SUGCT: variants seen among roughly 807,000 people sequenced by gnomAD.
The protein encoded by SUGCT is succinyl-CoA:glutarate CoA-transferase.
A neutral mutation model predicts 55.0 loss-of-function variants in SUGCT; 41 were observed. The observed-to-expected ratio is 0.74, with a 90% CI of 0.58 to 0.97. The LOEUF (loss-of-function observed/expected upper bound fraction) is 0.97. SUGCT is among the 50% of genes least tolerant of loss of function. The pLI, the probability that SUGCT is intolerant of heterozygous loss-of-function variation, is 0.00. For synonymous variants in SUGCT, 187 were observed against 200.4 expected (o/e 0.93, Z 0.56); for missense variants, 568 against 547.8 (o/e 1.04, Z -0.37).
the SUGCT span, among the ~76,000 whole-genome samples, chr7:40,918,166 A>G: frequency 1.6e-4 from 24 of 152,190 alleles, no homozygotes; most frequent in Admixed American, 1.4e-3. Flanking sequence ...GGTCTTTGGT[A>G]AAAAGGGGAA....
intron 8 of SUGCT, among the ~76,000 whole-genome samples, chr7:40,291,308 TG>T (rs1396718991): frequency 6.6e-6 from 1 of 151,494 alleles, no homozygotes; most frequent in African/African-American, 2.4e-5. Context: ...ATATACACCA[TG>T]GAATACTATG....
chr7:40,207,358 CGAGAT>C (rs1787032402), intron 6 of SUGCT, among the ~76,000 whole-genome samples: 1 of 152,088 alleles, frequency 6.6e-6, no homozygotes, highest in South Asian at 2.1e-4. Context: ...AAAACCACAA[CGAGAT>C]ACCTACCATC....
At chr7:40,890,723 G>A in the SUGCT span, among the ~76,000 whole-genome samples, 5 of 152,258 alleles carry the variant, frequency 3.3e-5, no homozygotes, top group South Asian at 1.0e-3. Flanking sequence ...ACTGGAGGAG[G>A]CACTTACTTC....
At chr7:40,594,355 A>T (rs1045480322) in intron 12 of SUGCT, among the ~76,000 whole-genome samples, 3 of 151,716 alleles carry the variant, frequency 2.0e-5, no homozygotes, top group African/African-American at 7.3e-5. Flanking sequence ...AAAAAATATG[A>T]TGTAAAATCC....
chr7:40,836,049 T>G (rs1270583694), intron 13 of SUGCT, among the ~76,000 whole-genome samples: 1 of 147,884 alleles, frequency 6.8e-6, no homozygotes, highest in Non-Finnish European at 1.5e-5. Context: ...TATGTCACTA[T>G]GCCTACTAAT....
chr7:40,332,442 GAT>G (rs1491156018), intron 9 of SUGCT, among the ~76,000 whole-genome samples: 1 of 45,050 alleles, frequency 2.2e-5, no homozygotes, highest in East Asian at 3.0e-3. Context: ...ATCTGCATTG[GAT>G]TTTTTTTTTT....
intron 12 of SUGCT, among the ~76,000 whole-genome samples, chr7:40,496,729 A>C (rs1791996269): frequency 1.0e-5 from 1 of 99,006 alleles, no homozygotes; most frequent in Non-Finnish European, 2.0e-5. Flanking sequence ...AAATATGAGA[A>C]CTTTCATACC....
At chr7:40,833,691 C>T (rs568069272) in intron 13 of SUGCT, among the ~76,000 whole-genome samples, 29 of 152,266 alleles carry the variant, frequency 1.9e-4, no homozygotes, top group Non-Finnish European at 3.8e-4. Flanking sequence ...TCAGGTGCTG[C>T]AAATTTTCCT....
intron 12 of SUGCT, among the ~76,000 whole-genome samples, chr7:40,647,836 A>G (rs1359602256): frequency 3.3e-5 from 5 of 151,942 alleles, no homozygotes; most frequent in African/African-American, 1.2e-4. Flanking sequence ...AAAAAAAAAA[A>G]GTTAGACCAC....
At chr7:41,002,742 G>A in the SUGCT span, among the ~76,000 whole-genome samples, 2 of 152,162 alleles carry the variant, frequency 1.3e-5, no homozygotes, top group Admixed American at 1.3e-4. Flanking sequence ...ACTTTCTGAA[G>A]CACTTTAGAA....
intron 11 of SUGCT, among the ~76,000 whole-genome samples, chr7:40,475,908 A>C (rs1790642282): frequency 6.6e-6 from 1 of 152,080 alleles, no homozygotes; most frequent in Non-Finnish European, 1.5e-5. Context: ...CCATCAATTG[A>C]TTGTTTCATT....
chr7:40,648,335 C>T (rs1800622502), intron 12 of SUGCT, among the ~76,000 whole-genome samples: 1 of 152,158 alleles, frequency 6.6e-6, no homozygotes, highest in Non-Finnish European at 1.5e-5. Context: ...TAGTCTTCCA[C>T]AAAGTTTTAG....
intron 8 of SUGCT, among the ~76,000 whole-genome samples, chr7:40,293,177 C>G (rs1584595855): frequency 6.6e-6 from 1 of 152,012 alleles, no homozygotes; most frequent in Non-Finnish European, 1.5e-5. Flanking sequence ...TTTATGGCAG[C>G]TTGTTAGGTC....
chr7:40,421,402 G>C (rs1025844863), intron 9 of SUGCT, among the ~76,000 whole-genome samples: 1 of 152,112 alleles, frequency 6.6e-6, no homozygotes, highest in Non-Finnish European at 1.5e-5. Context: ...CTCAGGACCA[G>C]TGGCTCCTGA....
At chr7:40,163,011 G>A (rs144546134) in intron 1 of SUGCT, among the ~76,000 whole-genome samples, 158 of 152,282 alleles carry the variant, frequency 1.0e-3, no homozygotes, top group African/African-American at 3.5e-3. Context: ...TCTTACATGT[G>A]TAGCTACACT....
At chr7:40,624,225 C>T (rs1799408708) in intron 12 of SUGCT, among the ~76,000 whole-genome samples, 1 of 152,158 alleles carries the variant, frequency 6.6e-6, no homozygotes, top group Non-Finnish European at 1.5e-5. Context: ...CCAGTATCTT[C>T]CTCTTGCTCT....
At chr7:40,683,802 T>C (rs1239163230) in intron 12 of SUGCT, among the ~76,000 whole-genome samples, 2 of 152,224 alleles carry the variant, frequency 1.3e-5, no homozygotes, top group Non-Finnish European at 2.9e-5. Flanking sequence ...TCTATATTAG[T>C]TCTCTATTAT....
chr7:40,774,627 T>G (rs184677434), intron 13 of SUGCT, among the ~76,000 whole-genome samples: 21 of 152,228 alleles, frequency 1.4e-4, no homozygotes, highest in African/African-American at 4.1e-4. Context: ...ACAGAGTTAT[T>G]TCTGTTGTTG....
the SUGCT span, among the ~76,000 whole-genome samples, chr7:40,913,606 G>A: frequency 6.6e-6 from 1 of 152,138 alleles, no homozygotes; most frequent in Non-Finnish European, 1.5e-5. Flanking sequence ...CTCAAAACTT[G>A]GTAGCTGACA....
Sources: gnomAD v4.1 joint callset for allele counts (sites outside exome capture counted in the v4.1 genomes callset) on GRCh38, gnomAD v4.1.1 for gene constraint, MANE v1.5 for transcripts, NCBI Gene and HGNC (gene_info 2026-07-23, HGNC 2026-07-21) for gene names.